The following CRPPA variants were observed in gnomAD, a reference collection of about 807,000 sequenced individuals.
CRPPA encodes CDP-L-ribitol pyrophosphorylase A, also known as D-ribitol-5-phosphate cytidylyltransferase.
In CRPPA, 43 loss-of-function variants were observed where a neutral mutation model predicts 52.0. That is an observed-to-expected ratio of 0.83 (90% CI 0.65 to 1.07). The LOEUF (loss-of-function observed/expected upper bound fraction) is 1.07, where lower values mean the gene tolerates loss of function less well. Among genes scored for constraint, CRPPA ranks in the 50% least tolerant of loss-of-function variants. CRPPA has a pLI of 0.00. For synonymous variants in CRPPA, 250 were observed against 203.5 expected (o/e 1.23, Z -1.94); for missense variants, 629 against 551.7 (o/e 1.14, Z -1.40).
chr7:16,223,642 A>T (rs1232741783), intron 8 of CRPPA, among the ~76,000 whole-genome samples: 1 of 152,166 alleles, frequency 6.6e-6, no homozygotes, highest in African/African-American at 2.4e-5. Context: ...CCAACTACTT[A>T]GGTGTTCTAG....
chr7:16,170,615 G>C (rs926059147), intron 9 of CRPPA, among the ~76,000 whole-genome samples: 5 of 152,236 alleles, frequency 3.3e-5, no homozygotes, highest in Non-Finnish European at 7.3e-5. Context: ...TGCCATTGCT[G>C]GCTAGGGCAG....
chr7:16,290,408 A>G (rs1784537042), intron 5 of CRPPA, among the ~76,000 whole-genome samples: 1 of 152,118 alleles, frequency 6.6e-6, no homozygotes, highest in African/African-American at 2.4e-5. Flanking sequence ...AAAATACACC[A>G]AAGCTATAGT....
At chr7:16,110,699 A>G (rs1782244195) in intron 9 of CRPPA, among the ~76,000 whole-genome samples, 1 of 152,136 alleles carries the variant, frequency 6.6e-6, no homozygotes, top group African/African-American at 2.4e-5. Context: ...TGTGAAACGG[A>G]TAATTTTTTT....
At chr7:16,165,682 A>G (rs1038622266) in intron 9 of CRPPA, among the ~76,000 whole-genome samples, 19 of 152,242 alleles carry the variant, frequency 1.2e-4, no homozygotes, top group Non-Finnish European at 2.5e-4. Context: ...TTAGAACAAG[A>G]TTGTAAAAAC....
chr7:16,262,012 T>A (rs1783823870), intron 6 of CRPPA: 1 of 152,174 alleles, frequency 6.6e-6, no homozygotes, highest in African/African-American at 2.4e-5. Context: ...GAGGTTGGAC[T>A]ATCCTACGTT....
intron 3 of CRPPA, among the ~76,000 whole-genome samples, chr7:16,340,566 C>A (rs544171969): frequency 3.2e-5 from 4 of 125,316 alleles, no homozygotes; most frequent in Non-Finnish European, 5.1e-5. Flanking sequence ...CCAAAATCCA[C>A]AACATTAACT....
intron 8 of CRPPA, chr7:16,237,177 GCTTTAATCT>G (rs1782977108): frequency 6.6e-6 from 1 of 152,022 alleles, no homozygotes; most frequent in Non-Finnish European, 1.5e-5. Flanking sequence ...AATTCTTAAT[GCTTTAATCT>G]CTTAAATGTA....
At chr7:16,168,277 A>T (rs933076182) in intron 9 of CRPPA, among the ~76,000 whole-genome samples, 1 of 152,126 alleles carries the variant, frequency 6.6e-6, no homozygotes, top group Non-Finnish European at 1.5e-5. Context: ...TACTTCTTAC[A>T]ACTTGGTTTG....
intron 5 of CRPPA, among the ~76,000 whole-genome samples, chr7:16,289,366 T>C (rs1421570559): frequency 6.6e-6 from 1 of 151,988 alleles, no homozygotes; most frequent in Non-Finnish European, 1.5e-5. Flanking sequence ...GAGGCAAGCA[T>C]CACCCTGATA....
chr7:16,419,426 T>C lies in CRPPA; in HGVS notation c.257+1640A>G, dbSNP rs979582999. ...TTTATGGTTTGACTCTGGAACAAAA[T>C]TGATAATAGCCCTTTCCCAAAAAGA... On this transcript the variant is annotated intron_variant, in intron 1 of 9. Coordinates refer to ENST00000407010, the MANE Select transcript of CRPPA (RefSeq NM_001101426.4). Among the ~76,000 whole-genome samples, 7 of 152,292 alleles carry C rather than the reference T, an allele frequency of 4.6e-5. No individual in the cohort carries two copies. The South Asian group carries it at 1.0e-3, about 23-fold the overall frequency.
At chr7:16,258,598 GT>G in intron 7 of CRPPA, 116 bp from the exon 8 acceptor site, 1 of 637,378 alleles carries the variant, frequency 1.6e-6, no homozygotes, top group Non-Finnish European at 2.5e-6. Flanking sequence ...ATCAAACTTA[GT>G]TTTTAATTTA....
intron 3 of CRPPA, among the ~76,000 whole-genome samples, chr7:16,334,516 C>G (rs181221435): frequency 6.6e-5 from 10 of 152,200 alleles, no homozygotes; most frequent in Admixed American, 3.3e-4. Context: ...CTGGTCCTGC[C>G]CATCCTATGC....
At chr7:16,371,870 A>G (rs944651604) in intron 3 of CRPPA, among the ~76,000 whole-genome samples, 1 of 152,148 alleles carries the variant, frequency 6.6e-6, no homozygotes, top group Non-Finnish European at 1.5e-5. Flanking sequence ...TGAAAAAACA[A>G]TCAGAACTTC....
chr7:16,235,302 C>T (rs997671112), intron 8 of CRPPA, among the ~76,000 whole-genome samples: 6 of 151,938 alleles, frequency 3.9e-5, no homozygotes, highest in African/African-American at 7.3e-5. Flanking sequence ...GATAAAAACA[C>T]GTAAGTCAGT....
chr7:16,328,769 C>T (rs1416559914), intron 3 of CRPPA, among the ~76,000 whole-genome samples: 1 of 152,178 alleles, frequency 6.6e-6, no homozygotes, highest in Admixed American at 6.5e-5. Flanking sequence ...CCCGCCTCAG[C>T]CTCCCAAAGT....
intron 9 of CRPPA, among the ~76,000 whole-genome samples, chr7:16,189,896 T>C (rs1377479528): frequency 6.6e-6 from 1 of 152,174 alleles, no homozygotes; most frequent in East Asian, 1.9e-4. Flanking sequence ...CTTTAGTCTT[T>C]TAAAACTGAA....
intron 9 of CRPPA, among the ~76,000 whole-genome samples, chr7:16,141,778 T>A (rs1189061686): frequency 6.6e-6 from 1 of 152,210 alleles, no homozygotes; most frequent in African/African-American, 2.4e-5. Flanking sequence ...ACATTCAACT[T>A]GTACATTATT....
At chr7:16,110,352 G>C (rs1316535423) in intron 9 of CRPPA, among the ~76,000 whole-genome samples, 1 of 151,966 alleles carries the variant, frequency 6.6e-6, no homozygotes, top group African/African-American at 2.4e-5. Flanking sequence ...CTTCTACTCA[G>C]AGCAATCTAT....
chr7:16,176,846 T>C (rs1283551591), intron 9 of CRPPA, among the ~76,000 whole-genome samples: 1 of 152,132 alleles, frequency 6.6e-6, no homozygotes, highest in Non-Finnish European at 1.5e-5. Context: ...TATAAAATAT[T>C]TAATAACGGA....
Sources: gnomAD v4.1 joint callset for allele counts (sites outside exome capture counted in the v4.1 genomes callset) on GRCh38, gnomAD v4.1.1 for gene constraint, MANE v1.5 for transcripts, NCBI Gene and HGNC (gene_info 2026-07-23, HGNC 2026-07-21) for gene names.